Variants in FHIT observed in about 807,000 individuals in gnomAD.
FHIT encodes the protein bis(5'-adenosyl)-triphosphatase.
A neutral mutation model predicts 17.9 loss-of-function variants in FHIT; 19 were observed. The observed-to-expected ratio is 1.06, with a 90% CI of 0.74 to 1.56. FHIT has a LOEUF of 1.56. Among genes scored for constraint, FHIT ranks in the 40% most tolerant of loss-of-function variants. FHIT has a pLI of 0.00. For missense variants in FHIT, 248 were observed against 189.2 expected (o/e 1.31, Z -1.82); for synonymous variants, 81 against 69.7 (o/e 1.16, Z -0.81).
intron 5 of FHIT, among the ~76,000 whole-genome samples, chr3:60,456,051 C>T (rs2032070189): frequency 6.6e-6 from 1 of 152,288 alleles, no homozygotes; most frequent in South Asian, 2.1e-4. Flanking sequence ...CATGAAGACA[C>T]TGCCAGTGAG....
intron 5 of FHIT, among the ~76,000 whole-genome samples, chr3:60,123,963 TAA>T (rs202075382): frequency 0.05 from 2,646 of 52,768 alleles, 55 homozygotes; most frequent in South Asian, 0.096. Context: ...AGAAATGCAC[TAA>T]AAATATATAT....
chr3:60,075,536 G>C (rs2736761), intron 5 of FHIT, among the ~76,000 whole-genome samples: 98,644 of 151,390 alleles, frequency 0.65, 32,992 homozygotes, highest in Middle Eastern at 0.76. Context: ...GGTCAAATGA[G>C]TTTGGAAATC....
intron 4 of FHIT, among the ~76,000 whole-genome samples, chr3:60,592,094 C>T (rs1343266169): frequency 1.3e-5 from 2 of 151,086 alleles, no homozygotes; most frequent in Non-Finnish European, 2.9e-5. Context: ...AAATAATCAT[C>T]AAATTAGAAG....
rs577053840 is a variant in FHIT, at chr3:60,986,104, A to G, written c.-111+55943T>C. Among the ~76,000 whole-genome samples, 5 of 152,272 alleles carry G rather than the reference A, an allele frequency of 3.3e-5. No homozygotes were observed. The East Asian group carries it at 9.7e-4, about 29-fold the overall frequency. On this transcript the variant is annotated intron_variant, in intron 3 of 9. Transcript: ENST00000492590. ...TCTCATTCTCAACCCCCTTAACTTG[A>G]TCATATCTGTGAAGTCCCTTTTGCC...
At chr3:61,020,202 G>A (rs1243567830) in intron 3 of FHIT, among the ~76,000 whole-genome samples, 3 of 152,170 alleles carry the variant, frequency 2.0e-5, no homozygotes, top group Admixed American at 6.5e-5. Flanking sequence ...AGCACCTGTT[G>A]TTTCATGACT....
At chr3:60,445,682 C>A (rs2031282434) in intron 5 of FHIT, among the ~76,000 whole-genome samples, 1 of 151,880 alleles carries the variant, frequency 6.6e-6, no homozygotes, top group Non-Finnish European at 1.5e-5. Context: ...TCTGAACTTG[C>A]TTTTCTTATT....
chr3:61,042,618 C>G (rs1251997350), intron 2 of FHIT, among the ~76,000 whole-genome samples: 2 of 152,072 alleles, frequency 1.3e-5, no homozygotes, highest in Non-Finnish European at 2.9e-5. Context: ...GTGGGCGGAT[C>G]ACTCGAGGTC....
chr3:59,755,410 C>T (rs917869795), intron 8 of FHIT, among the ~76,000 whole-genome samples: 1 of 152,170 alleles, frequency 6.6e-6, no homozygotes, highest in Non-Finnish European at 1.5e-5. Flanking sequence ...GTTCCATTTC[C>T]CTAAAGCAAC....
At chr3:61,181,276 A>G (rs1311801260) in intron 2 of FHIT, among the ~76,000 whole-genome samples, 1 of 152,206 alleles carries the variant, frequency 6.6e-6, no homozygotes, top group Non-Finnish European at 1.5e-5. Flanking sequence ...GATTATCAAC[A>G]ATCAAGAGGC....
intron 8 of FHIT, among the ~76,000 whole-genome samples, chr3:59,914,324 C>G (rs909161015): frequency 2.0e-5 from 3 of 152,040 alleles, no homozygotes; most frequent in African/African-American, 7.2e-5. Context: ...AGACGTCACC[C>G]CGCAGTGACA....
chr3:60,052,506 T>C (rs1466373485), intron 5 of FHIT, among the ~76,000 whole-genome samples: 1 of 152,080 alleles, frequency 6.6e-6, no homozygotes, highest in African/African-American at 2.4e-5. Flanking sequence ...CTTTTACCAG[T>C]AGGCAGCTCA....
At chr3:60,123,510 A>G (rs1314527524) in intron 5 of FHIT, among the ~76,000 whole-genome samples, 1 of 152,194 alleles carries the variant, frequency 6.6e-6, no homozygotes, top group Non-Finnish European at 1.5e-5. Flanking sequence ...CTTAAGGAGA[A>G]AAAAAGCAAA....
chr3:59,858,102 G>A (rs1702245181), intron 8 of FHIT, among the ~76,000 whole-genome samples: 1 of 152,100 alleles, frequency 6.6e-6, no homozygotes, highest in Admixed American at 6.6e-5. Context: ...AGAGTAAAAG[G>A]GAGTGAGTAG....
intron 8 of FHIT, among the ~76,000 whole-genome samples, chr3:59,801,009 T>C (rs768977210): frequency 3.3e-5 from 5 of 152,224 alleles, no homozygotes; most frequent in East Asian, 1.9e-4. Flanking sequence ...TTCTTTGCAA[T>C]TGGGTAGGGA....
At chr3:60,492,338 A>G (rs1227041039) in intron 5 of FHIT, among the ~76,000 whole-genome samples, 1 of 152,206 alleles carries the variant, frequency 6.6e-6, no homozygotes, top group Non-Finnish European at 1.5e-5. Flanking sequence ...ACATTTGAGC[A>G]TTAGAATTTG....
chr3:59,908,588 A>C (rs2107123297), intron 8 of FHIT, among the ~76,000 whole-genome samples: 1 of 152,242 alleles, frequency 6.6e-6, no homozygotes, highest in South Asian at 2.1e-4. Flanking sequence ...GATTACTTGG[A>C]CACCAGAGGC....
Position 60,033,201 on chromosome 3 carries a change from G to C in FHIT, c.104-19049C>G, listed in dbSNP as rs76460767. ...ATTAAGAAATTCCTATTAATTTTGT[G>C]AAATATGATAATGGGGCCAGGTGCA... On this transcript the variant is annotated intron_variant, in intron 5 of 9. Coordinates refer to ENST00000492590, the MANE Select transcript of FHIT (RefSeq NM_002012.4). Among the ~76,000 whole-genome samples, 1,238 of 152,216 alleles carry C rather than the reference G, an allele frequency of 8.1e-3. 16 individuals are homozygous for C. The highest frequency in any genetic ancestry group is 0.028 in the African/African-American group (1,183 of 41,548).
At chr3:60,752,373 C>G (rs2042484575) in intron 4 of FHIT, among the ~76,000 whole-genome samples, 1 of 152,110 alleles carries the variant, frequency 6.6e-6, no homozygotes, top group South Asian at 2.1e-4. Context: ...AGGGGAGAAT[C>G]AATTGTGCAT....
intron 2 of FHIT, among the ~76,000 whole-genome samples, chr3:61,149,423 TAATA>T (rs773751134): frequency 1.4e-4 from 21 of 151,768 alleles, no homozygotes; most frequent in Non-Finnish European, 2.4e-4. Context: ...TTAATAAGTT[TAATA>T]AATAAAAATT....
Sources: gnomAD v4.1 joint callset for allele counts (sites outside exome capture counted in the v4.1 genomes callset) on GRCh38, gnomAD v4.1.1 for gene constraint, MANE v1.5 for transcripts, NCBI Gene and HGNC (gene_info 2026-07-23, HGNC 2026-07-21) for gene names.